The following AANAT variants were observed in gnomAD, a reference collection of about 807,000 sequenced individuals.
AANAT encodes serotonin N-acetyltransferase.
AANAT carries 11 observed loss-of-function variants against 15.6 expected under a neutral mutation model. The observed-to-expected ratio is 0.71, with a 90% CI of 0.44 to 1.17. The LOEUF is 1.17. Ranked by LOEUF, AANAT falls within the 50% of genes most tolerant of loss-of-function variation. The pLI is 0.00. For missense variants in AANAT, 286 were observed against 296.3 expected (o/e 0.97, Z 0.26); for synonymous variants, 139 against 131.5 (o/e 1.06, Z -0.39).
At chr17:76,468,182 C>T (rs1367153150) in intron 1 of AANAT, among the ~76,000 whole-genome samples, 2 of 152,168 alleles carry the variant, frequency 1.3e-5, no homozygotes, top group Non-Finnish European at 2.9e-5. Flanking sequence ...GATCTTGCAC[C>T]CAAAGGACCA....
Position 76,469,412 on chromosome 17 carries a change from C to A in AANAT, c.318+85C>A. The A allele has an allele frequency of 1.3e-6, 2 of 1,555,338 alleles. No individual in the cohort carries two copies. The highest frequency in any genetic ancestry group is 1.7e-6 in the Non-Finnish European group (2 of 1,145,284). On this transcript the variant is annotated intron_variant, in intron 3 of 3. Transcript: ENST00000392492. This position sits in a 1 kb window ranked among gnomAD's most constrained non-coding sequence, Gnocchi z 5.2. ...GATGGCGGGGAGGGGAGCCCAGGGG[C>A]TGGGATTTCTTCCTCCAGAACTGGA... is the stretch of plus-strand genomic sequence containing the variant.
chr17:76,463,627 A>G (rs2073410143), upstream of AANAT, among the ~76,000 whole-genome samples: 2 of 151,888 alleles, frequency 1.3e-5, no homozygotes, highest in Admixed American at 1.3e-4. Context: ...AGGATTCTTA[A>G]AGGTCATCGG....
Position 76,468,878 on chromosome 17 carries a change from C to T in AANAT, c.132C>T (p.Asp44=), listed in dbSNP as rs145800704. Residue 44 remains aspartate, a synonymous_variant, in exon 2 of 4, where the codon GAC becomes GAT. Coordinates refer to ENST00000392492, the MANE Select transcript of AANAT (RefSeq NM_001088.3). The part of the protein sequence containing the change: ...ASEFRCLTPE[D]AVSAFEIERE... ...AGTTTCGCTGCCTCACCCCGGAGGA[C>T]GCTGTCAGCGCCTTTGAGATCGAGC... is the stretch of plus-strand genomic sequence containing the variant. 5.0e-5 allele frequency: 80 copies of T among 1,613,572 alleles called. No homozygotes were observed. The African/African-American group carries it at 5.9e-4, about 12-fold the overall frequency.
intron 2 of AANAT, among the ~76,000 whole-genome samples, chr17:76,460,257 T>C (rs1178553696): frequency 2.7e-5 from 4 of 149,206 alleles, no homozygotes; most frequent in Non-Finnish European, 5.9e-5. Flanking sequence ...CAAGACATTC[T>C]TGTGCCTCAG....
intron 1 of AANAT, among the ~76,000 whole-genome samples, chr17:76,457,581 A>G (rs1025047139): frequency 6.6e-6 from 1 of 152,198 alleles, no homozygotes; most frequent in Non-Finnish European, 1.5e-5. Context: ...TGCTTTACAT[A>G]GATTATCAGG....
chr17:76,458,503 T>G (rs767984375), intron 1 of AANAT, among the ~76,000 whole-genome samples: 1 of 152,236 alleles, frequency 6.6e-6, no homozygotes, highest in Non-Finnish European at 1.5e-5. Context: ...TCTCCCAGCC[T>G]TTCGTGGGGA....
At chr17:76,455,109 A>T (rs1253257025) in intron 1 of AANAT, among the ~76,000 whole-genome samples, 8 of 152,048 alleles carry the variant, frequency 5.3e-5, no homozygotes, top group Admixed American at 5.2e-4. Context: ...CCTGGGCGAC[A>T]GAGTGAGATT....
chr17:76,457,724 A>G (rs755566282), intron 1 of AANAT, among the ~76,000 whole-genome samples: 1 of 152,202 alleles, frequency 6.6e-6, no homozygotes, highest in Non-Finnish European at 1.5e-5. Flanking sequence ...TACCTGGCAT[A>G]GGGATGGAGC....
chr17:76,457,505 T>A (rs2073352245), intron 1 of AANAT, among the ~76,000 whole-genome samples: 1 of 152,214 alleles, frequency 6.6e-6, no homozygotes, highest in East Asian at 1.9e-4. Context: ...TGCGGCTTCT[T>A]GTAATAATGG....
chr17:76,468,768 CCCCTGAA>C lies in AANAT; in HGVS notation c.23_29del (p.Pro8HisfsTer65). 1 of 1,613,020 alleles carries C rather than the reference CCCCTGAA, an allele frequency of 6.2e-7. No homozygotes were observed. Among genetic ancestry groups the C allele is most frequent in the Non-Finnish European group, 8.5e-7 (1 of 1,179,780 alleles). The stretch of plus-strand genomic sequence containing the variant: ...CAGAATGTCCACGCAGAGCACCCAC[CCCCTGAA>C]ACCTGAGGCCCCACGTCTGCCACCT... On this transcript the variant is annotated frameshift_variant, in exon 2 of 4. Transcript: ENST00000392492. LOFTEE classifies it high-confidence loss of function.
In AANAT at chr17:76,469,835, G is replaced by A. The variant is rs112345032; in HGVS notation, c.489G>A (p.Ala163=). The A allele has an allele frequency of 1.6e-5, 25 of 1,604,930 alleles. No individual in the cohort carries two copies. The highest frequency in any genetic ancestry group is 2.2e-5 in the East Asian group (1 of 44,478). Residue 163 remains alanine (A), a synonymous_variant, in exon 4 of 4, where the codon GCG becomes GCA. Transcript: ENST00000392492. The surrounding 1 kb of genome is among the most constrained non-coding windows in gnomAD (Gnocchi z 5.2). ...GGGCCGCGCTCATGTGCGAGGACGCGCTGGTACCCTTCTATGAGAGGTTCA... is the reference window on the plus strand; with the variant it reads ...GGGCCGCGCTCATGTGCGAGGACGCACTGGTACCCTTCTATGAGAGGTTCA... ...VRRAALMCED[A]LVPFYERFSF...
intron 1 of AANAT, among the ~76,000 whole-genome samples, chr17:76,458,907 C>A (rs2073362802): frequency 6.6e-6 from 1 of 152,236 alleles, no homozygotes; most frequent in Admixed American, 6.5e-5. Context: ...TTGGGAAACC[C>A]CCCACACCCT....
upstream of AANAT, among the ~76,000 whole-genome samples, chr17:76,466,537 C>G (rs1424823546): frequency 6.6e-6 from 1 of 151,802 alleles, no homozygotes. Flanking sequence ...TGAAAACCAG[C>G]AGGAGAATCA....
At chr17:76,464,139 G>A (rs982723219), upstream of AANAT, among the ~76,000 whole-genome samples, 1 of 152,162 alleles carries the variant, frequency 6.6e-6, no homozygotes, top group African/African-American at 2.4e-5. Flanking sequence ...TCAGGAGTTT[G>A]AGACCAGCCT....
upstream of AANAT, chr17:76,466,159 C>T (rs1158357368): frequency 6.5e-7 from 1 of 1,536,650 alleles, no homozygotes; most frequent in Admixed American, 2.0e-5. Flanking sequence ...TAGGATTGGC[C>T]ACCAGGGGGT....
Position 76,469,001 on chromosome 17 carries a change from T to C in AANAT, c.163+92T>C. ...CCCTTAGTCTCCTGTCCTTGGAGGC[T>C]GGGTCCCAGAGTATCAGACCATGTG... On this transcript the variant is annotated intron_variant, in intron 2 of 3. Coordinates refer to ENST00000392492, the MANE Select transcript of AANAT (RefSeq NM_001088.3). The surrounding 1 kb of genome is among the most constrained non-coding windows in gnomAD (Gnocchi z 5.2). The C allele has an allele frequency of 6.7e-7, 1 of 1,500,570 alleles. No individual in the cohort carries two copies. Among genetic ancestry groups the C allele is most frequent in the Non-Finnish European group, 9.1e-7 (1 of 1,098,862 alleles). The allele number at this position is 1,500,570 out of a possible 1,614,324, so 93.0% of individuals were successfully genotyped here. A position where few individuals can be genotyped will look rare whatever the true frequency, so the allele number is the denominator to read the frequency against.
chr17:76,453,725 G>C (rs544478300), exon 1 of AANAT: 1 of 152,352 alleles, frequency 6.6e-6, no homozygotes, highest in East Asian at 1.9e-4. Flanking sequence ...CAAGCAGTTC[G>C]AACGTCATGA....
chr17:76,467,011 G>A (rs73996400), upstream of AANAT, among the ~76,000 whole-genome samples: 956 of 152,200 alleles, frequency 6.3e-3, 7 homozygotes, highest in African/African-American at 0.022. Flanking sequence ...GAGCTAAGGG[G>A]TGCAGGATGG....
intron 2 of AANAT, among the ~76,000 whole-genome samples, chr17:76,461,946 C>T (rs1027806997): frequency 1.3e-5 from 2 of 152,142 alleles, no homozygotes; most frequent in Non-Finnish European, 1.5e-5. Context: ...AATGAGTCAG[C>T]GATACAGAGG....
Sources: gnomAD v4.1 joint callset for allele counts (sites outside exome capture counted in the v4.1 genomes callset) on GRCh38, gnomAD v4.1.1 for gene constraint, Gnocchi (gnomAD v3.1) non-coding constraint, MANE v1.5 for transcripts, NCBI Gene and HGNC (gene_info 2026-07-23, HGNC 2026-07-21) for gene names.